Variants in SH3RF3 observed in about 807,000 individuals in gnomAD.
SH3RF3 encodes the protein E3 ubiquitin-protein ligase SH3RF3.
Under a neutral mutation model 66.3 loss-of-function variants are expected in SH3RF3, and 29 were observed. That is an observed-to-expected ratio of 0.44 (90% CI 0.33 to 0.60). The LOEUF is 0.60. SH3RF3 is among the 20% of genes least tolerant of loss of function. The probability of loss-of-function intolerance (pLI) is 0.04; values close to 1 mark genes in which losing one functional copy is unlikely to be tolerated. For missense variants in SH3RF3, 1,194 were observed against 1,190.9 expected, an observed-to-expected ratio of 1.00 and a Z score of -0.04; for synonymous variants, 583 against 532.0, an observed-to-expected ratio of 1.10 and a Z score of -1.32.
At chr2:109,332,553 G>A (rs962357068) in intron 1 of SH3RF3, among the ~76,000 whole-genome samples, 3 of 152,184 alleles carry the variant, frequency 2.0e-5, no homozygotes, top group African/African-American at 4.8e-5. Context: ...CGAGCTCCCC[G>A]CAGTTCAGCC....
intron 1 of SH3RF3, among the ~76,000 whole-genome samples, chr2:109,257,713 G>C (rs902570097): frequency 2.6e-5 from 4 of 152,120 alleles, no homozygotes; most frequent in Admixed American, 1.3e-4. Flanking sequence ...GAAGTAGACA[G>C]TTAGAGCTCC....
chr2:109,466,042 T>C (rs994832427), intron 8 of SH3RF3, among the ~76,000 whole-genome samples: 3 of 151,960 alleles, frequency 2.0e-5, no homozygotes, highest in African/African-American at 7.3e-5. Flanking sequence ...GCTGAGCATC[T>C]TTTCATATGC....
intron 1 of SH3RF3, among the ~76,000 whole-genome samples, chr2:109,170,250 TTCTC>T (rs1677734306): frequency 1.1e-3 from 7 of 6,380 alleles, no homozygotes; most frequent in African/African-American, 2.5e-3. Flanking sequence ...TTCTTTTCTC[TTCTC>T]TTCTCTTCTC....
intron 1 of SH3RF3, among the ~76,000 whole-genome samples, chr2:109,138,594 C>T (rs1039384112): frequency 2.6e-5 from 4 of 152,166 alleles, no homozygotes; most frequent in East Asian, 1.9e-4. Context: ...CTGGGCAGCC[C>T]GCTGCTGCTG....
intron 3 of SH3RF3, among the ~76,000 whole-genome samples, chr2:109,372,775 G>A (rs944946461): frequency 2.6e-5 from 4 of 152,132 alleles, no homozygotes; most frequent in African/African-American, 9.7e-5. Flanking sequence ...GCTCAGTGCT[G>A]GGCTCCATGT....
At chr2:109,255,239 C>T (rs1255311280) in intron 1 of SH3RF3, among the ~76,000 whole-genome samples, 1 of 152,154 alleles carries the variant, frequency 6.6e-6, no homozygotes, top group Non-Finnish European at 1.5e-5. Context: ...AATAGTGCAT[C>T]TAGGTTGGAA....
intron 1 of SH3RF3, among the ~76,000 whole-genome samples, chr2:109,230,438 G>T (rs1219809579): frequency 6.6e-6 from 1 of 152,050 alleles, no homozygotes; most frequent in African/African-American, 2.4e-5. Context: ...AAATTAGCTG[G>T]GCATGATGGT....
chr2:109,231,158 G>T (rs112529055), intron 1 of SH3RF3, among the ~76,000 whole-genome samples: 1 of 152,172 alleles, frequency 6.6e-6, no homozygotes, highest in African/African-American at 2.4e-5. Context: ...CTCTCCTCCC[G>T]GAGCCAGGCC....
At chr2:109,302,147 G>T (rs1681483762) in intron 1 of SH3RF3, among the ~76,000 whole-genome samples, 1 of 152,204 alleles carries the variant, frequency 6.6e-6, no homozygotes, top group Non-Finnish European at 1.5e-5. Flanking sequence ...AGACTGCTCT[G>T]TTGAACACGG....
chr2:109,468,994 A>G (rs1678434112), intron 8 of SH3RF3, among the ~76,000 whole-genome samples: 1 of 150,488 alleles, frequency 6.6e-6, no homozygotes. Context: ...TGTCAAGCTC[A>G]AGGTCTTCTA....
chr2:109,352,677 G>GT (rs758118908), intron 2 of SH3RF3, among the ~76,000 whole-genome samples: 2 of 152,184 alleles, frequency 1.3e-5, no homozygotes, highest in African/African-American at 2.4e-5. Context: ...CAGGGAACCA[G>GT]TTCTCCTTTT....
chr2:109,270,603 G>A (rs1247450718), intron 1 of SH3RF3, among the ~76,000 whole-genome samples: 2 of 152,162 alleles, frequency 1.3e-5, no homozygotes, highest in African/African-American at 4.8e-5. Flanking sequence ...ATCCCAGGAG[G>A]CCACGGGTGC....
rs200120723 is a variant in SH3RF3, at chr2:109,337,051, TA to T, written c.574-10621del. Among the ~76,000 whole-genome samples, 61 of 152,366 alleles carry T rather than the reference TA, an allele frequency of 4.0e-4. 1 individual carries two copies. The East Asian group carries it at 0.011, about 28-fold the overall frequency. ...GCTTTGATTCAGGCTTAACATTTTTTAACATAATAGCAAACCGTATTTAGTA... is the reference window on the plus strand; with the variant it reads ...GCTTTGATTCAGGCTTAACATTTTTTACATAATAGCAAACCGTATTTAGTA... On this transcript the variant is annotated intron_variant, in intron 1 of 9. Coordinates refer to ENST00000309415, the MANE Select transcript of SH3RF3 (RefSeq NM_001099289.3).
intron 1 of SH3RF3, among the ~76,000 whole-genome samples, chr2:109,222,928 T>C (rs975136375): frequency 2.0e-5 from 3 of 152,360 alleles, no homozygotes; most frequent in Non-Finnish European, 4.4e-5. Context: ...GTGAGAGGGA[T>C]GGACCTGCCC....
intron 1 of SH3RF3, among the ~76,000 whole-genome samples, chr2:109,256,358 G>T (rs1020482133): frequency 6.6e-6 from 1 of 152,242 alleles, no homozygotes; most frequent in Admixed American, 6.5e-5. Context: ...GGGCTTGTCA[G>T]TTGACAGTGT....
chr2:109,351,364 T>C (rs1293807097), intron 2 of SH3RF3, among the ~76,000 whole-genome samples: 1 of 152,242 alleles, frequency 6.6e-6, no homozygotes, highest in African/African-American at 2.4e-5. Context: ...GATGCCAGTG[T>C]GCACTCTGTG....
chr2:109,296,175 C>G (rs1681301395), intron 1 of SH3RF3, among the ~76,000 whole-genome samples: 1 of 152,076 alleles, frequency 6.6e-6, no homozygotes, highest in Non-Finnish European at 1.5e-5. Flanking sequence ...CCCCTAGGAC[C>G]CAGAGCCTCC....
At chr2:109,237,267 A>G (rs545192973) in intron 1 of SH3RF3, among the ~76,000 whole-genome samples, 1 of 152,376 alleles carries the variant, frequency 6.6e-6, no homozygotes, top group African/African-American at 2.4e-5. Context: ...AACTGACAAT[A>G]ATTAATGTTG....
At chr2:109,414,112 T>C (rs1676664405) in intron 4 of SH3RF3, among the ~76,000 whole-genome samples, 1 of 152,198 alleles carries the variant, frequency 6.6e-6, no homozygotes. Flanking sequence ...CTTGGCCTCC[T>C]TCAGGGCCCT....
Sources: gnomAD v4.1 joint callset for allele counts (sites outside exome capture counted in the v4.1 genomes callset) on GRCh38, gnomAD v4.1.1 for gene constraint, MANE v1.5 for transcripts, NCBI Gene and HGNC (gene_info 2026-07-23, HGNC 2026-07-21) for gene names.